The following SCHIP1 variants were observed in gnomAD, a reference collection of about 807,000 sequenced individuals.
SCHIP1 encodes the protein schwannomin-interacting protein 1.
SCHIP1 carries 8 observed loss-of-function variants against 29.7 expected under a neutral mutation model. That is an observed-to-expected ratio of 0.27 (90% CI 0.16 to 0.49). SCHIP1 has a LOEUF of 0.49. Ranked by LOEUF, SCHIP1 falls within the 20% of genes least tolerant of loss-of-function variation. The probability of loss-of-function intolerance (pLI) is 0.99; values close to 1 mark genes in which losing one functional copy is unlikely to be tolerated. For missense variants in SCHIP1, 193 were observed against 294.6 expected (o/e 0.66, Z 2.52); for synonymous variants, 76 against 94.9 (o/e 0.80, Z 1.16).
chr3:159,547,499 T>C, the SCHIP1 span, among the ~76,000 whole-genome samples: 3 of 152,234 alleles, frequency 2.0e-5, no homozygotes, highest in Admixed American at 6.5e-5. Flanking sequence ...CATGCCTATG[T>C]CCTGAATGGT....
At chr3:159,756,293 C>A in the SCHIP1 span, among the ~76,000 whole-genome samples, 1 of 152,222 alleles carries the variant, frequency 6.6e-6, no homozygotes, top group Non-Finnish European at 1.5e-5. Context: ...CAGTTCTTGA[C>A]ATCTATGCAC....
At chr3:159,536,660 C>G in the SCHIP1 span, among the ~76,000 whole-genome samples, 1 of 152,126 alleles carries the variant, frequency 6.6e-6, no homozygotes, top group African/African-American at 2.4e-5. Flanking sequence ...AAGACTCCAT[C>G]CCTCTAGAGG....
At chr3:159,521,741 T>C in the SCHIP1 span, among the ~76,000 whole-genome samples, 1 of 152,256 alleles carries the variant, frequency 6.6e-6, no homozygotes, top group Non-Finnish European at 1.5e-5. Flanking sequence ...CAGTATGTTG[T>C]GCCCCTGAGT....
chr3:159,354,066 T>A, the SCHIP1 span, among the ~76,000 whole-genome samples: 1 of 152,210 alleles, frequency 6.6e-6, no homozygotes, highest in African/African-American at 2.4e-5. Flanking sequence ...AGAGTTATTT[T>A]AAATTTTTGT....
the SCHIP1 span, among the ~76,000 whole-genome samples, chr3:159,504,149 A>G: frequency 1.4e-4 from 21 of 152,196 alleles, no homozygotes; most frequent in African/African-American, 4.8e-4. Flanking sequence ...CATCTGGAGG[A>G]AAGATGATAG....
Position 159,850,542 on chromosome 3 carries a change from CAAAAAAA to C in SCHIP1, c.30+10346_30+10352del, listed in dbSNP as rs61224003. On this transcript the variant is annotated intron_variant, in intron 1 of 6. Coordinates refer to ENST00000445224, the Ensembl canonical transcript of SCHIP1. ...GCACTCCAGGCTGGAGATTCCATCT[CAAAAAAA>C]AAAAAAAAAAAAAAAAAGGAAATAC... is the stretch of plus-strand genomic sequence containing the variant. 4.0e-4 allele frequency among the ~76,000 whole-genome samples: 42 copies of C among 104,944 alleles called. No individual in the cohort carries two copies. The South Asian group carries it at 5.8e-3, about 14-fold the overall frequency. The allele number at this position is 104,944 out of a possible 152,430, so 68.8% of individuals were successfully genotyped here.
chr3:159,275,111 G>C, the SCHIP1 span: 25 of 953,782 alleles, frequency 2.6e-5, no homozygotes, highest in Non-Finnish European at 3.1e-5. Flanking sequence ...ATATAAAGGA[G>C]ACCTTAGTAT....
chr3:159,677,774 T>G, the SCHIP1 span, among the ~76,000 whole-genome samples: 2 of 152,186 alleles, frequency 1.3e-5, no homozygotes, highest in African/African-American at 4.8e-5. Flanking sequence ...GCCTCTTGAT[T>G]ACACCTCAAC....
the SCHIP1 span, among the ~76,000 whole-genome samples, chr3:159,594,569 C>T: frequency 1.3e-5 from 2 of 152,110 alleles, no homozygotes; most frequent in East Asian, 3.9e-4. Flanking sequence ...GGGTTCTGTA[C>T]CCATCACAAA....
At chr3:159,372,655 TTTA>T in the SCHIP1 span, among the ~76,000 whole-genome samples, 2 of 152,266 alleles carry the variant, frequency 1.3e-5, no homozygotes, top group East Asian at 3.9e-4. Flanking sequence ...GTCATGTGTT[TTTA>T]TATAGCCTAC....
At chr3:159,736,804 A>G in the SCHIP1 span, among the ~76,000 whole-genome samples, 4 of 149,292 alleles carry the variant, frequency 2.7e-5, no homozygotes, top group Middle Eastern at 3.5e-3. Context: ...GCGCGATCTC[A>G]GCTCACTGCA....
chr3:159,624,023 A>G, the SCHIP1 span, among the ~76,000 whole-genome samples: 1 of 152,184 alleles, frequency 6.6e-6, no homozygotes, highest in Non-Finnish European at 1.5e-5. Flanking sequence ...TTAATGTATA[A>G]CTAGTCAATC....
chr3:159,347,351 A>G, the SCHIP1 span, among the ~76,000 whole-genome samples: 7 of 152,328 alleles, frequency 4.6e-5, no homozygotes, highest in South Asian at 1.4e-3. Context: ...TCGAAGTCTT[A>G]CATTTCAGAG....
At chr3:159,653,115 T>C in the SCHIP1 span, among the ~76,000 whole-genome samples, 4 of 152,144 alleles carry the variant, frequency 2.6e-5, no homozygotes, top group African/African-American at 9.7e-5. Context: ...TGTGGAGAAA[T>C]AGGAACACTT....
the SCHIP1 span, among the ~76,000 whole-genome samples, chr3:159,620,057 C>T: frequency 1.3e-5 from 2 of 152,278 alleles, no homozygotes; most frequent in South Asian, 4.2e-4. Context: ...GTCTAGGACC[C>T]ATCCCATTCT....
the SCHIP1 span, among the ~76,000 whole-genome samples, chr3:159,817,741 C>T: frequency 1.3e-5 from 2 of 152,040 alleles, no homozygotes; most frequent in Non-Finnish European, 2.9e-5. Context: ...AACCTGTTAC[C>T]TTCTGGTGAA....
At chr3:159,642,403 C>T in the SCHIP1 span, among the ~76,000 whole-genome samples, 1 of 152,060 alleles carries the variant, frequency 6.6e-6, no homozygotes, top group Non-Finnish European at 1.5e-5. Context: ...CAAGGCATAA[C>T]AAATGTGACT....
the SCHIP1 span, among the ~76,000 whole-genome samples, chr3:159,672,220 G>A: frequency 6.6e-6 from 1 of 152,204 alleles, no homozygotes; most frequent in Non-Finnish European, 1.5e-5. Flanking sequence ...CACAAGGTAT[G>A]GAGATAATCA....
At chr3:159,766,059 C>G in the SCHIP1 span, among the ~76,000 whole-genome samples, 1 of 152,136 alleles carries the variant, frequency 6.6e-6, no homozygotes, top group Non-Finnish European at 1.5e-5. Context: ...GAAGGTAGCT[C>G]CCCTGTTTAG....
Sources: allele counts gnomAD v4.1 joint callset (sites outside exome capture counted in the v4.1 genomes callset), GRCh38; gene constraint gnomAD v4.1.1; transcripts MANE v1.5; gene names NCBI Gene and HGNC (gene_info 2026-07-23, HGNC 2026-07-21).